The following GSE1 variants were observed in gnomAD, a reference collection of about 807,000 sequenced individuals.
GSE1 encodes genetic suppressor element 1.
Under a neutral mutation model 112.6 loss-of-function variants are expected in GSE1, and 32 were observed. That is an observed-to-expected ratio of 0.28 (90% CI 0.21 to 0.38). The LOEUF is 0.38. Among genes scored for constraint, GSE1 ranks in the 10% least tolerant of loss-of-function variants. GSE1 has a pLI of 1.00. For synonymous variants in GSE1, 1,115 were observed against 735.6 expected (o/e 1.52, Z -8.35); for missense variants, 2,348 against 1,699.2 (o/e 1.38, Z -6.71).
intron 2 of GSE1, among the ~76,000 whole-genome samples, chr16:85,544,552 T>C (rs2044631644): frequency 6.6e-6 from 1 of 152,148 alleles, no homozygotes; most frequent in Non-Finnish European, 1.5e-5. Flanking sequence ...GGCATCCCAC[T>C]CTGGTCTGTC....
intron 1 of GSE1, among the ~76,000 whole-genome samples, chr16:85,307,010 C>G (rs2045697328): frequency 6.6e-6 from 1 of 152,232 alleles, no homozygotes; most frequent in South Asian, 2.1e-4. Context: ...GGGTGCAGCC[C>G]AAGCTCCTTG....
Position 85,467,060 on chromosome 16 carries a change from A to G in GSE1, c.2464+109417A>G, listed in dbSNP as rs184320485. Among the ~76,000 whole-genome samples, 375 of 152,336 alleles carry G rather than the reference A, an allele frequency of 2.5e-3. 2 individuals are homozygous for G. The highest frequency in any genetic ancestry group is 8.2e-3 in the African/African-American group (339 of 41,578). On this transcript the variant is annotated intron_variant, in intron 2 of 2. Coordinates refer to the GSE1 transcript ENST00000637419. ...GGGCGACTCCATCTTAAAAATAAAT[A>G]AAAAGGAAGAGGCCAGGTAGGAAGT...
At chr16:85,368,205 C>G (rs2151592428) in intron 2 of GSE1, among the ~76,000 whole-genome samples, 1 of 152,250 alleles carries the variant, frequency 6.6e-6, no homozygotes, top group South Asian at 2.1e-4. Flanking sequence ...GGGTCAAGAG[C>G]TGATGTTCCA....
intron 2 of GSE1, among the ~76,000 whole-genome samples, chr16:85,532,647 T>A (rs547768592): frequency 6.6e-6 from 1 of 152,310 alleles, no homozygotes; most frequent in South Asian, 2.1e-4. Flanking sequence ...CGCCCCGCAC[T>A]GTTCCTCCCT....
intron 2 of GSE1, among the ~76,000 whole-genome samples, chr16:85,507,586 G>GGA (rs1462661617): frequency 6.6e-6 from 1 of 152,114 alleles, no homozygotes; most frequent in East Asian, 1.9e-4. Context: ...GTGTGAGCAG[G>GGA]GTTGCTTTCC....
rs1232537264 is a variant in GSE1, at chr16:85,208,376, C to T, written c.2283+36569C>T. On this transcript the variant is annotated intron_variant, in intron 1 of 2. Coordinates refer to the GSE1 transcript ENST00000637419. Reference sequence around the variant, plus strand: ...CGTGGCATCTCGGCTGGTGCTCCCACTCAGTACTCCCTCCTGGTGCCTGCC... The same window carrying T: ...CGTGGCATCTCGGCTGGTGCTCCCATTCAGTACTCCCTCCTGGTGCCTGCC... 5.3e-5 allele frequency among the ~76,000 whole-genome samples: 8 copies of T among 152,224 alleles called. No homozygotes were observed. The East Asian group carries it at 1.2e-3, about 22-fold the overall frequency.
At chr16:85,425,376 C>T (rs2048949582) in intron 2 of GSE1, among the ~76,000 whole-genome samples, 1 of 151,870 alleles carries the variant, frequency 6.6e-6, no homozygotes, top group South Asian at 2.1e-4. Context: ...GTTGCTGGAC[C>T]CAGAGGCTTG....
At position 85,491,552 on chromosome 16, in the gene GSE1, G is replaced by A. The variant is rs547345822; in HGVS notation, c.2464+133909G>A. ...CTCTGGCAGGGGTGCTGGGGCGCAG[G>A]GAGGCCTGGCCTGTGGGCAAGGAGG... On this transcript the variant is annotated intron_variant, in intron 2 of 2. Transcript: ENST00000637419. Among the ~76,000 whole-genome samples, 6 of 152,334 alleles carry A rather than the reference G, an allele frequency of 3.9e-5. No homozygotes were observed. In the East Asian group the frequency reaches 1.2e-3, roughly 29 times the overall value.
At chr16:85,277,412 C>T (rs1034626923) in intron 1 of GSE1, among the ~76,000 whole-genome samples, 2 of 152,158 alleles carry the variant, frequency 1.3e-5, no homozygotes, top group Non-Finnish European at 2.9e-5. Flanking sequence ...GCGGAAGAGG[C>T]TGAGCTGCCG....
chr16:85,379,453 C>T (rs1218138943), intron 2 of GSE1, among the ~76,000 whole-genome samples: 3 of 152,234 alleles, frequency 2.0e-5, no homozygotes, highest in Admixed American at 2.0e-4. Flanking sequence ...ACAGACCCCT[C>T]CCTGCTCCTG....
intron 1 of GSE1, among the ~76,000 whole-genome samples, chr16:85,259,264 CTGCCCTGTGCTCCACCCT>C (rs1907414623): frequency 6.6e-6 from 1 of 152,148 alleles, no homozygotes; most frequent in Admixed American, 6.5e-5. Flanking sequence ...AGCCCCCGTC[CTGCCCTGTGCTCCACCCT>C]GGCCCACCCT....
chr16:85,533,385 A>C (rs1178291725), intron 2 of GSE1, among the ~76,000 whole-genome samples: 1 of 152,104 alleles, frequency 6.6e-6, no homozygotes, highest in Non-Finnish European at 1.5e-5. Flanking sequence ...GCACCATTGC[A>C]CTCCAGCCTG....
chr16:85,528,602 C>G (rs1304972087), intron 2 of GSE1, among the ~76,000 whole-genome samples: 1 of 151,994 alleles, frequency 6.6e-6, no homozygotes, highest in African/African-American at 2.4e-5. Context: ...GCTGGGATTA[C>G]AGGCTGACCC....
chr16:85,197,257 A>G (rs1459317777), intron 1 of GSE1, among the ~76,000 whole-genome samples: 1 of 152,052 alleles, frequency 6.6e-6, no homozygotes, highest in Admixed American at 6.6e-5. Context: ...GACCCCAGTG[A>G]GCCCCCTCCG....
intron 2 of GSE1, among the ~76,000 whole-genome samples, chr16:85,450,394 AG>A (rs1264983668): frequency 2.0e-5 from 3 of 151,778 alleles, no homozygotes; most frequent in Admixed American, 2.0e-4. Context: ...CAGGGATTAT[AG>A]GCATGAGCCA....
chr16:85,552,419 C>A (rs1159311321), upstream of GSE1, among the ~76,000 whole-genome samples: 1 of 124,680 alleles, frequency 8.0e-6, no homozygotes, highest in African/African-American at 2.7e-5. Context: ...GCAACCTCCG[C>A]CTCCTGGGTT....
upstream of GSE1, among the ~76,000 whole-genome samples, chr16:85,607,789 C>T (rs964321699): frequency 6.6e-6 from 1 of 152,218 alleles, no homozygotes; most frequent in African/African-American, 2.4e-5. Flanking sequence ...TTAAATCCTG[C>T]CCAGGGTCTG....
intron 1 of GSE1, among the ~76,000 whole-genome samples, chr16:85,303,174 A>G (rs1215298473): frequency 6.6e-6 from 1 of 152,232 alleles, no homozygotes; most frequent in African/African-American, 2.4e-5. Context: ...GGTGCCCGGC[A>G]TTGAGGACAG....
At chr16:85,421,497 C>CT (rs2048844508) in intron 2 of GSE1, among the ~76,000 whole-genome samples, 1 of 152,256 alleles carries the variant, frequency 6.6e-6, no homozygotes, top group Non-Finnish European at 1.5e-5. Context: ...TCAGCCCAAG[C>CT]TGGGTCTCAA....
Sources: allele counts gnomAD v4.1 joint callset (sites outside exome capture counted in the v4.1 genomes callset), GRCh38; gene constraint gnomAD v4.1.1; transcripts MANE v1.5; gene names NCBI Gene and HGNC (gene_info 2026-07-23, HGNC 2026-07-21).